ADAM33: variants seen among roughly 807,000 people sequenced by gnomAD.
ADAM33 encodes ADAM metallopeptidase domain 33, also known as disintegrin and metalloproteinase domain-containing protein 33.
A neutral mutation model predicts 106.2 loss-of-function variants in ADAM33; 103 were observed. The ratio of observed to expected loss-of-function variants is 0.97; its 90% CI spans 0.83 to 1.14. ADAM33 has a LOEUF of 1.14. Ranked by LOEUF, ADAM33 falls within the 50% of genes most tolerant of loss-of-function variation. The probability of loss-of-function intolerance (pLI) is 0.00; values close to 1 mark genes in which losing one functional copy is unlikely to be tolerated. For missense variants in ADAM33, 1,120 were observed against 1,096.6 expected (o/e 1.02, Z -0.30); for synonymous variants, 483 against 453.0 (o/e 1.07, Z -0.84).
At position 3,674,787 on chromosome 20, in the gene ADAM33, G is replaced by A. The variant is rs749050518; in HGVS notation, c.396C>T (p.Thr132=). ...GFPDSWVVLC[T]CSGMSGLITL... is the part of the protein sequence containing the mutation. ...CCAGAGCTCACCTCATCCCAGAGCAGGTGCAGAGGACTACCCAGGAGTCGG... is the reference window on the plus strand; with the variant it reads ...CCAGAGCTCACCTCATCCCAGAGCAAGTGCAGAGGACTACCCAGGAGTCGG... Residue 132 remains threonine (T), a synonymous_variant, in exon 5 of 22, where the codon ACC becomes ACT. Transcript: ENST00000356518. The A allele has an allele frequency of 2.5e-6, 4 of 1,609,540 alleles. No individual in the cohort carries two copies. The highest frequency in any genetic ancestry group is 1.1e-5 in the South Asian group (1 of 90,418).
In ADAM33 at chr20:3,675,136, T is replaced by A; in HGVS notation, c.255-31A>T. The A allele has an allele frequency of 6.4e-7, 1 of 1,554,084 alleles. No homozygotes were observed. The highest frequency in any genetic ancestry group is 8.8e-7 in the Non-Finnish European group (1 of 1,130,202). ...AGGGGGTGTTACAGGGAACACTGAA[T>A]TCAGCTTCCTCCTGCCTCCTCCAGG... On this transcript the variant is annotated intron_variant, in intron 3 of 21. Coordinates refer to ENST00000356518, the MANE Select transcript of ADAM33 (RefSeq NM_025220.5). The surrounding 1 kb of genome is among the most constrained non-coding windows in gnomAD (Gnocchi z 4.1).
chr20:3,681,034 T>G (rs2088447686), intron 1 of ADAM33, among the ~76,000 whole-genome samples: 1 of 151,988 alleles, frequency 6.6e-6, no homozygotes, highest in South Asian at 2.1e-4. Context: ...CCTGGGGCCC[T>G]CCCCTGGGGC....
intron 3 of ADAM33, among the ~76,000 whole-genome samples, chr20:3,676,039 A>G (rs1246842485): frequency 6.6e-6 from 1 of 151,946 alleles, no homozygotes; most frequent in East Asian, 1.9e-4. Context: ...TGTCCATCCG[A>G]CTCCACGAGG....
In ADAM33 at chr20:3,673,674, G is replaced by T; in HGVS notation, c.906-16C>A. 1 of 1,347,904 alleles carries T rather than the reference G, an allele frequency of 7.4e-7. No individual in the cohort carries two copies. The highest frequency in any genetic ancestry group is 1.9e-5 in the South Asian group (1 of 53,008). 83.5% of individuals were successfully genotyped at this position (1,347,904 alleles called of 1,614,324 possible). A position where few individuals can be genotyped will look rare whatever the true frequency, so the allele number is the denominator to read the frequency against. Reference sequence around the variant, plus strand: ...GGCGCGGCCCCTGGGGGCGGAGCGCGGCGTGACCAGGCGGGGCCGGGAGGT... The same window carrying T: ...GGCGCGGCCCCTGGGGGCGGAGCGCTGCGTGACCAGGCGGGGCCGGGAGGT... On this transcript the variant is annotated splice_polypyrimidine_tract_variant and intron_variant, in intron 9 of 21. Coordinates refer to ENST00000356518, the MANE Select transcript of ADAM33 (RefSeq NM_025220.5).
intron 2 of ADAM33, among the ~76,000 whole-genome samples, chr20:3,677,437 C>T (rs1422780566): frequency 6.6e-6 from 1 of 152,200 alleles, no homozygotes; most frequent in African/African-American, 2.4e-5. Context: ...GAAAGGTGCC[C>T]CTCCCCTGGC....
chr20:3,669,637 GC>G lies in ADAM33; in HGVS notation c.2241-1del, dbSNP rs780519422. 1 of 1,599,572 alleles carries G rather than the reference GC, an allele frequency of 6.3e-7. No individual in the cohort carries two copies. The highest frequency in any genetic ancestry group is 1.1e-5 in the South Asian group (1 of 87,776). ...GGTCCCTGTGTGGGCCATCTTTGGGGCTGAGCAACGTGATAAGAGTCCAGGA... is the reference window on the plus strand; with the variant it reads ...GGTCCCTGTGTGGGCCATCTTTGGGGTGAGCAACGTGATAAGAGTCCAGGA... On this transcript the variant is annotated splice_acceptor_variant, in intron 19 of 21. Transcript: ENST00000356518. LOFTEE classifies it high-confidence loss of function.
chr20:3,678,349 TG>T (rs1008970851), intron 2 of ADAM33, among the ~76,000 whole-genome samples: 1 of 151,504 alleles, frequency 6.6e-6, no homozygotes, highest in Non-Finnish European at 1.5e-5. Flanking sequence ...GGCCCACCGG[TG>T]GGGGAAGCAG....
At chr20:3,673,072 A>ATATT in intron 11 of ADAM33, 174 bp from the exon 12 acceptor site, 1 of 1,444,790 alleles carries the variant, frequency 6.9e-7, no homozygotes, top group Non-Finnish European at 9.1e-7. Flanking sequence ...CGGCCCCAAT[A>ATATT]GTGAGCAGCC....
intron 1 of ADAM33, among the ~76,000 whole-genome samples, chr20:3,680,344 C>T (rs985163970): frequency 5.9e-5 from 9 of 152,172 alleles, no homozygotes; most frequent in Non-Finnish European, 1.2e-4. Context: ...CTCCTTCCCC[C>T]GGTACCCAGT....
chr20:3,677,824 C>T (rs1247982312), intron 2 of ADAM33, among the ~76,000 whole-genome samples: 1 of 152,254 alleles, frequency 6.6e-6, no homozygotes, highest in Non-Finnish European at 1.5e-5. Context: ...CTCCTTCCCC[C>T]ACCCTCTTGG....
At chr20:3,676,996 C>A in intron 3 of ADAM33, 71 bp downstream of exon 3, 2 of 1,528,766 alleles carry the variant, frequency 1.3e-6, no homozygotes, top group Non-Finnish European at 1.8e-6. Context: ...GCCACCCGCA[C>A]AGATCTGTGT....
chr20:3,671,918 G>A lies in ADAM33; in HGVS notation c.1665C>T (p.Cys555=), dbSNP rs758316703. ...VNSAGDAHGN[C]GQDSEGHFLP... is the part of the protein sequence containing the mutation. ...GGAAGTGGCCCTCGCTGTCCTGGCC[G>A]CAGTTTCCATGAGCATCTCCCGCAG... Residue 555 remains cysteine (C), a synonymous_variant, in exon 15 of 22, where the codon TGC becomes TGT. Transcript: ENST00000356518. 155 of 1,555,094 alleles carry A rather than the reference G, an allele frequency of 1.0e-4. 1 individual carries two copies. The East Asian group carries it at 2.6e-3, about 26-fold the overall frequency.
At chr20:3,670,738 G>A in intron 19 of ADAM33, 1 of 445,758 alleles carries the variant, frequency 2.2e-6, no homozygotes, top group Non-Finnish European at 4.0e-6. Context: ...GCTGGTGGGA[G>A]AAGCAGGAGA....
intron 12 of ADAM33, 31 bp downstream of exon 12, chr20:3,672,690 G>C: frequency 6.3e-7 from 1 of 1,595,578 alleles, no homozygotes; most frequent in Non-Finnish European, 8.6e-7. Context: ...GAGCGGAGAG[G>C]GCAAGTGGGG....
At chr20:3,674,898 A>T in intron 4 of ADAM33, 49 bp from the exon 5 acceptor site, 2 of 1,607,150 alleles carry the variant, frequency 1.2e-6, no homozygotes, top group Non-Finnish European at 1.7e-6. Context: ...CTGGAGCAAG[A>T]GGGGCAAGAG....
Position 3,669,365 on chromosome 20 carries a change from C to A in ADAM33, c.2338G>T (p.Glu780Ter). The change falls in exon 21 of 22, where the codon GAG (glutamate) becomes TAG (stop). Residue 780 changes from glutamate to a stop codon, truncating the protein, a stop_gained. Coordinates refer to ENST00000356518, the MANE Select transcript of ADAM33 (RefSeq NM_025220.5). LOFTEE classifies it high-confidence loss of function. Reference protein sequence around the residue: ...ATGQPWPLDPENSHEPSSHPE... With the variant: ...ATGQPWPLDP Reference sequence around the variant, plus strand: ...TGGCTGCTGGGCTCATGAGAGTTCTCAGGGTCTGGGAGAAATGGTGGAGGG... The same window carrying A: ...TGGCTGCTGGGCTCATGAGAGTTCTAAGGGTCTGGGAGAAATGGTGGAGGG... The A allele has an allele frequency of 6.2e-7, 1 of 1,605,084 alleles. No individual in the cohort carries two copies. Among genetic ancestry groups the A allele is most frequent in the Non-Finnish European group, 8.5e-7 (1 of 1,177,618 alleles).
At chr20:3,672,503 CGAA>C in intron 13 of ADAM33, 31 bp downstream of exon 13, 1 of 1,603,908 alleles carries the variant, frequency 6.2e-7, no homozygotes, top group Non-Finnish European at 8.5e-7. Flanking sequence ...CCAAGCTCCC[CGAA>C]ACCCTCACCC....
intron 3 of ADAM33, among the ~76,000 whole-genome samples, chr20:3,676,018 A>G (rs1477882915): frequency 6.6e-6 from 1 of 152,134 alleles, no homozygotes; most frequent in Admixed American, 6.5e-5. Flanking sequence ...GTGGAACTAG[A>G]GTTTGTTCCC....
rs769968522 is a variant in ADAM33 at position 3,674,818 on chromosome 20, C to G, written c.365G>C (p.Gly122Ala). The G allele has an allele frequency of 1.2e-6, 2 of 1,611,224 alleles. No homozygotes were observed. The highest frequency in any genetic ancestry group is 1.7e-6 in the Non-Finnish European group (2 of 1,178,490). The change falls in exon 5 of 22, where the codon GGC becomes GCC. Residue 122 changes from glycine (G) to alanine (A), a missense_variant. Coordinates refer to ENST00000356518, the MANE Select transcript of ADAM33 (RefSeq NM_025220.5). The stretch of plus-strand genomic sequence containing the variant: ...GAGGACTACCCAGGAGTCGGGGAAG[C>G]CCCTTACTCGCCCTTGGTAGTGGCA... ...DHCHYQGRVR[G>A]FPDSWVVLCT...
Sources: allele counts gnomAD v4.1 joint callset (sites outside exome capture counted in the v4.1 genomes callset), GRCh38; gene constraint gnomAD v4.1.1; non-coding constraint Gnocchi (gnomAD v3.1); transcripts MANE v1.5; gene names NCBI Gene and HGNC (gene_info 2026-07-23, HGNC 2026-07-21).